ZFPM2: variants seen among roughly 807,000 people sequenced by gnomAD.
The protein encoded by ZFPM2 is zinc finger protein ZFPM2.
Under a neutral mutation model 98.6 loss-of-function variants are expected in ZFPM2, and 20 were observed. The ratio of observed to expected loss-of-function variants is 0.20; its 90% CI spans 0.14 to 0.29. The LOEUF is 0.29. ZFPM2 is among the 10% of genes least tolerant of loss of function. The probability of loss-of-function intolerance (pLI) is 1.00; values close to 1 mark genes in which losing one functional copy is unlikely to be tolerated. For synonymous variants in ZFPM2, 518 were observed against 502.7 expected (o/e 1.03, Z -0.41); for missense variants, 1,310 against 1,388.6 (o/e 0.94, Z 0.90).
chr8:105,546,389 C>A (rs1791816023), intron 3 of ZFPM2, among the ~76,000 whole-genome samples: 1 of 151,830 alleles, frequency 6.6e-6, no homozygotes, highest in Admixed American at 6.6e-5. Context: ...CCAGCCTGAT[C>A]AACATGGAGA....
Position 105,801,162 on chromosome 8 carries a change from A to C in ZFPM2, c.1080A>C (p.Gln360His). ...AACACCTGTTCTCCCATCTCACTCA[A>C]GCTGCCTTCCGATGTAATCACTGCC... ...FHQHLFSHLT[Q>H]AAFRCNHCHF... Residue 360 changes from glutamine (Q) to histidine (H), a missense_variant, in exon 8 of 8, where the codon CAA becomes CAC. Physicochemically the swap from Gln to His is conservative, Grantham distance 24. Transcript: ENST00000407775. The C allele has an allele frequency of 6.2e-7, 1 of 1,613,950 alleles. No homozygotes were observed. Among genetic ancestry groups the C allele is most frequent in the Non-Finnish European group, 8.5e-7 (1 of 1,179,878 alleles).
At chr8:105,504,512 TTAAA>T in intron 3 of ZFPM2, among the ~76,000 whole-genome samples, 1 of 152,288 alleles carries the variant, frequency 6.6e-6, no homozygotes, top group East Asian at 1.9e-4. Flanking sequence ...TTGGATGTCA[TTAAA>T]TAAAGCAGGC....
chr8:105,547,523 C>T (rs1047012333), intron 3 of ZFPM2, among the ~76,000 whole-genome samples: 5 of 115,470 alleles, frequency 4.3e-5, no homozygotes, highest in South Asian at 2.8e-4. Flanking sequence ...GCCTGGGTGA[C>T]GAGAGTGAAA....
At chr8:105,796,172 A>G (rs1302539994) in intron 6 of ZFPM2, among the ~76,000 whole-genome samples, 1 of 152,150 alleles carries the variant, frequency 6.6e-6, no homozygotes, top group South Asian at 2.1e-4. Context: ...TCTTTCCTGT[A>G]TCTTTACTTT....
intron 3 of ZFPM2, among the ~76,000 whole-genome samples, chr8:105,535,453 T>C (rs1414612733): frequency 1.3e-5 from 2 of 152,182 alleles, no homozygotes; most frequent in Non-Finnish European, 2.9e-5. Context: ...CTCACTCGTA[T>C]GTTGCATATA....
intron 6 of ZFPM2, 75 bp downstream of exon 6, chr8:105,788,999 A>G: frequency 2.4e-6 from 3 of 1,265,726 alleles, no homozygotes; most frequent in Middle Eastern, 1.9e-4. Context: ...TCTACTGACA[A>G]GAAACCAGGA....
At chr8:105,492,131 CTG>C (rs757254993) in intron 3 of ZFPM2, among the ~76,000 whole-genome samples, 8 of 152,104 alleles carry the variant, frequency 5.3e-5, no homozygotes, top group Non-Finnish European at 7.4e-5. Flanking sequence ...ATTTAACAAA[CTG>C]TGTTAAAACA....
At chr8:105,743,372 C>T (rs1436015085) in intron 5 of ZFPM2, among the ~76,000 whole-genome samples, 1 of 151,916 alleles carries the variant, frequency 6.6e-6, no homozygotes, top group Non-Finnish European at 1.5e-5. Context: ...CTAGGAATGA[C>T]TGAATTTTTT....
At chr8:105,744,530 T>A (rs1346067980) in intron 5 of ZFPM2, among the ~76,000 whole-genome samples, 1 of 152,050 alleles carries the variant, frequency 6.6e-6, no homozygotes, top group Non-Finnish European at 1.5e-5. Context: ...GACTGTATAA[T>A]CACAAACTGA....
chr8:105,619,694 C>A (rs1323067437), intron 4 of ZFPM2, among the ~76,000 whole-genome samples: 1 of 151,524 alleles, frequency 6.6e-6, no homozygotes, highest in Non-Finnish European at 1.5e-5. Flanking sequence ...TCCCCCCACC[C>A]CGCGACAGGC....
chr8:105,496,420 T>C (rs1355047544), intron 3 of ZFPM2, among the ~76,000 whole-genome samples: 2 of 152,136 alleles, frequency 1.3e-5, no homozygotes, highest in Non-Finnish European at 2.9e-5. Context: ...AAATATCTAG[T>C]AGACTGTCTC....
intron 1 of ZFPM2, among the ~76,000 whole-genome samples, chr8:105,402,519 G>A (rs994043973): frequency 7.9e-5 from 12 of 152,002 alleles, no homozygotes; most frequent in East Asian, 7.7e-4. Flanking sequence ...CCCGTCTTTA[G>A]AGAGGAATAA....
intron 3 of ZFPM2, among the ~76,000 whole-genome samples, chr8:105,542,301 A>G (rs1459420263): frequency 6.6e-6 from 1 of 152,152 alleles, no homozygotes; most frequent in Middle Eastern, 3.2e-3. Flanking sequence ...TTTGAATTGT[A>G]TGAAACCTGA....
rs887503524 is a variant in ZFPM2 at position 105,597,924 on chromosome 8, T to C, written c.421-36322T>C. ...GAATAGATATTGCAGGTGTGAGACA[T>C]CAGATGAGAACTCAAAAGGATTAAA... On this transcript the variant is annotated intron_variant, in intron 4 of 7. Transcript: ENST00000407775. 2.6e-5 allele frequency among the ~76,000 whole-genome samples: 4 copies of C among 152,092 alleles called. No individual in the cohort carries two copies. In the East Asian group the frequency reaches 7.7e-4, roughly 29 times the overall value.
chr8:105,637,412 C>T (rs923705551), intron 5 of ZFPM2, among the ~76,000 whole-genome samples: 6 of 152,088 alleles, frequency 3.9e-5, no homozygotes, highest in Non-Finnish European at 7.4e-5. Context: ...TATCATTTAT[C>T]GTAGCCCTCT....
At chr8:105,568,334 C>T (rs1308377573) in intron 4 of ZFPM2, among the ~76,000 whole-genome samples, 1 of 151,466 alleles carries the variant, frequency 6.6e-6, no homozygotes, top group African/African-American at 2.4e-5. Flanking sequence ...TAATCCTAGT[C>T]CTCTGCCTCT....
At chr8:105,402,363 G>A (rs1811356919) in intron 1 of ZFPM2, among the ~76,000 whole-genome samples, 1 of 151,710 alleles carries the variant, frequency 6.6e-6, no homozygotes, top group African/African-American at 2.4e-5. Flanking sequence ...CTTTAATTTT[G>A]TCTTTATTGA....
intron 5 of ZFPM2, among the ~76,000 whole-genome samples, chr8:105,698,831 T>C (rs1306402747): frequency 6.6e-6 from 1 of 152,184 alleles, no homozygotes; most frequent in African/African-American, 2.4e-5. Context: ...TTAGATTACC[T>C]GCATACTGAT....
intron 3 of ZFPM2, among the ~76,000 whole-genome samples, chr8:105,549,543 C>CTTCCTTCCTTCCTTCT (rs1814796565): frequency 7.3e-6 from 1 of 136,886 alleles, no homozygotes; most frequent in Non-Finnish European, 1.6e-5. Context: ...TCCTTCCTTC[C>CTTCCTTCCTTCCTTCT]TTCCTTCCTT....
Sources: allele counts gnomAD v4.1 joint callset (sites outside exome capture counted in the v4.1 genomes callset), GRCh38; gene constraint gnomAD v4.1.1; transcripts MANE v1.5; gene names NCBI Gene and HGNC (gene_info 2026-07-23, HGNC 2026-07-21).